ABLIM1: variants seen among roughly 807,000 people sequenced by gnomAD.
ABLIM1 encodes the protein actin-binding LIM protein 1.
A neutral mutation model predicts 107.0 loss-of-function variants in ABLIM1; 40 were observed. That is an observed-to-expected ratio of 0.37 (90% confidence interval 0.29 to 0.49). The LOEUF is 0.49. Among genes scored for constraint, ABLIM1 ranks in the 20% least tolerant of loss-of-function variants. The pLI is 0.97. For missense variants in ABLIM1, 857 were observed against 1,008.5 expected, an observed-to-expected ratio of 0.85 and a Z score of 2.04; for synonymous variants, 357 against 357.3, an observed-to-expected ratio of 1.00 and a Z score of 0.01.
chr10:114,553,984 AG>A (rs1311465821), intron 4 of ABLIM1, among the ~76,000 whole-genome samples: 1 of 152,178 alleles, frequency 6.6e-6, no homozygotes, highest in African/African-American at 2.4e-5. Flanking sequence ...CCTGCTAAGT[AG>A]GGGGACTTCA....
intron 8 of ABLIM1, among the ~76,000 whole-genome samples, chr10:114,479,141 C>G (rs1590193410): frequency 6.6e-6 from 1 of 152,252 alleles, no homozygotes; most frequent in East Asian, 1.9e-4. Context: ...CAGAACGCAG[C>G]AAGGTGTACC....
At chr10:114,521,664 G>A (rs1184655189) in intron 6 of ABLIM1, among the ~76,000 whole-genome samples, 2 of 151,400 alleles carry the variant, frequency 1.3e-5, no homozygotes, top group Non-Finnish European at 2.9e-5. Context: ...TCCTTTCCCC[G>A]CTCCTTCTTT....
intron 3 of ABLIM1, among the ~76,000 whole-genome samples, chr10:114,573,733 A>G (rs1391226076): frequency 6.6e-6 from 1 of 152,194 alleles, no homozygotes; most frequent in African/African-American, 2.4e-5. Context: ...CGAGGCTTGA[A>G]AAATGACTCG....
intron 1 of ABLIM1, among the ~76,000 whole-genome samples, chr10:114,717,648 C>T (rs189696824): frequency 2.0e-5 from 3 of 152,244 alleles, no homozygotes; most frequent in African/African-American, 7.2e-5. Context: ...GGCACAGTGG[C>T]TCATGCCTGT....
intron 12 of ABLIM1, among the ~76,000 whole-genome samples, chr10:114,459,029 A>C (rs190397756): frequency 2.2e-3 from 342 of 152,364 alleles, no homozygotes; most frequent in African/African-American, 8.0e-3. Context: ...GGAGAGAAAC[A>C]GTCTGTGCCG....
At chr10:114,756,083 A>AGTGT (rs10624515) in intron 1 of ABLIM1, among the ~76,000 whole-genome samples, 27,170 of 150,658 alleles carry the variant, frequency 0.18, 2,763 homozygotes, top group East Asian at 0.43. Context: ...TGTGTTTGTG[A>AGTGT]GTGTGTGTGT....
chr10:114,453,927 A>C (rs1203777370), intron 12 of ABLIM1, among the ~76,000 whole-genome samples: 1 of 152,232 alleles, frequency 6.6e-6, no homozygotes, highest in Non-Finnish European at 1.5e-5. Flanking sequence ...GGCAATTAGC[A>C]GAGGTTTCTC....
At chr10:114,751,152 C>T (rs1229567726) in intron 1 of ABLIM1, among the ~76,000 whole-genome samples, 16 of 152,206 alleles carry the variant, frequency 1.1e-4, no homozygotes, top group South Asian at 8.3e-4. Context: ...TTTCTCATTG[C>T]TCTTTGCCAA....
intron 1 of ABLIM1, among the ~76,000 whole-genome samples, chr10:114,656,040 G>A (rs2079496655): frequency 6.6e-6 from 1 of 152,164 alleles, no homozygotes; most frequent in African/African-American, 2.4e-5. Context: ...GGAGGTGGAG[G>A]CAGGCAGGTC....
At chr10:114,530,266 G>C (rs186348141) in intron 6 of ABLIM1, among the ~76,000 whole-genome samples, 1 of 152,230 alleles carries the variant, frequency 6.6e-6, no homozygotes, top group East Asian at 1.9e-4. Flanking sequence ...TCAGTGCTAA[G>C]GCTCAGGTTC....
chr10:114,505,747 A>G (rs533235548), intron 6 of ABLIM1, among the ~76,000 whole-genome samples: 2 of 152,262 alleles, frequency 1.3e-5, no homozygotes, highest in Admixed American at 1.3e-4. Context: ...TGCTATCTCT[A>G]AAGTACATTC....
At chr10:114,716,172 C>A (rs910696559) in intron 1 of ABLIM1, among the ~76,000 whole-genome samples, 2 of 152,194 alleles carry the variant, frequency 1.3e-5, no homozygotes, top group East Asian at 3.8e-4. Flanking sequence ...ATGTCTCAGA[C>A]AATGATCTGG....
At chr10:114,650,114 C>A (rs1227665357) in intron 1 of ABLIM1, among the ~76,000 whole-genome samples, 1 of 152,224 alleles carries the variant, frequency 6.6e-6, no homozygotes, top group African/African-American at 2.4e-5. Context: ...CTCGGCCTCC[C>A]AAAGTGCTGG....
chr10:114,703,783 T>C (rs972953935), intron 1 of ABLIM1, among the ~76,000 whole-genome samples: 2 of 152,212 alleles, frequency 1.3e-5, no homozygotes, highest in African/African-American at 4.8e-5. Flanking sequence ...ATCAGTTCAT[T>C]CATCTGAACA....
chr10:114,516,339 C>T (rs760111999), intron 6 of ABLIM1, among the ~76,000 whole-genome samples: 29 of 152,126 alleles, frequency 1.9e-4, no homozygotes, highest in Non-Finnish European at 3.1e-4. Context: ...GCCTGGTCAA[C>T]GTGGCAAAAC....
At chr10:114,684,446 C>A in exon 1 of ABLIM1, 1 of 1,572,796 alleles carries the variant, frequency 6.4e-7, no homozygotes, top group Non-Finnish European at 8.6e-7. Context: ...GGGGCCCTGG[C>A]TCTCCTCCCA....
intron 16 of ABLIM1, 134 bp from the exon 17 acceptor site, chr10:114,444,268 C>CA (rs2060690202): frequency 1.4e-6 from 1 of 713,772 alleles, no homozygotes; most frequent in Admixed American, 3.0e-5. Context: ...CATGTGGCCC[C>CA]AGAGCCTGGT....
chr10:114,488,152 A>G, intron 7 of ABLIM1, 136 bp from the exon 8 acceptor site: 1 of 922,194 alleles, frequency 1.1e-6, no homozygotes, highest in Non-Finnish European at 1.7e-6. Flanking sequence ...GTCCAAGTGA[A>G]TCATAACACA....
rs772814414 is a variant in ABLIM1 at position 114,465,838 on chromosome 10, A to T, written c.1312-11T>A. The T allele has an allele frequency of 6.2e-6, 10 of 1,613,992 alleles. 1 individual carries two copies. In the South Asian group the frequency reaches 9.9e-5, roughly 16 times the overall value. ...AACATCCTGGTACCCCTGGAAACAA[A>T]GTTCAACACATTCAGGCTATCACCA... On this transcript the variant is annotated splice_polypyrimidine_tract_variant and intron_variant, in intron 11 of 22. Transcript: ENST00000533213.
Sources: gnomAD v4.1 joint callset for allele counts (sites outside exome capture counted in the v4.1 genomes callset) on GRCh38, gnomAD v4.1.1 for gene constraint, MANE v1.5 for transcripts, NCBI Gene and HGNC (gene_info 2026-07-23, HGNC 2026-07-21) for gene names.